Variants in DLGAP1 observed in about 807,000 individuals in gnomAD.
DLGAP1 encodes the protein disks large-associated protein 1.
In DLGAP1, 11 loss-of-function variants were observed where a neutral mutation model predicts 90.8. The ratio of observed to expected loss-of-function variants is 0.12; its 90% CI spans 0.08 to 0.20. The LOEUF (loss-of-function observed/expected upper bound fraction) is 0.20. Among genes scored for constraint, DLGAP1 ranks in the 10% least tolerant of loss-of-function variants. DLGAP1 has a pLI of 1.00. For missense variants in DLGAP1, 1,050 were observed against 1,333.8 expected (o/e 0.79, Z 3.31); for synonymous variants, 558 against 540.7 (o/e 1.03, Z -0.44).
chr18:3,606,065 G>C (rs768356011), intron 7 of DLGAP1, among the ~76,000 whole-genome samples: 1 of 152,188 alleles, frequency 6.6e-6, no homozygotes, highest in Non-Finnish European at 1.5e-5. Flanking sequence ...GAGATATTCA[G>C]ATTTCATTTT....
Position 4,182,380 on chromosome 18 carries a change from G to A in DLGAP1, c.-266-31093C>T, listed in dbSNP as rs1388533137. On this transcript the variant is annotated intron_variant, in intron 1 of 12. Transcript: ENST00000315677. ...AGAGAGTTTTTCACCCTTACGGGCC[G>A]GAAGATGGCACCAGAGGAAACTACG... Among the ~76,000 whole-genome samples, 5 of 152,152 alleles carry A rather than the reference G, an allele frequency of 3.3e-5. No individual in the cohort carries two copies. The South Asian group carries it at 6.2e-4, about 19-fold the overall frequency.
chr18:4,425,253 T>G (rs1341264326), intron 1 of DLGAP1, among the ~76,000 whole-genome samples: 1 of 152,210 alleles, frequency 6.6e-6, no homozygotes, highest in African/African-American at 2.4e-5. Context: ...TACATTATTT[T>G]GAAATCCAAC....
intron 1 of DLGAP1, among the ~76,000 whole-genome samples, chr18:4,200,153 C>G (rs560688747): frequency 6.6e-6 from 1 of 152,112 alleles, no homozygotes; most frequent in East Asian, 1.9e-4. Context: ...ATATTTCCTC[C>G]TCAATATTTC....
At chr18:3,978,480 T>C in intron 3 of DLGAP1, 1 of 261,956 alleles carries the variant, frequency 3.8e-6, no homozygotes, top group Non-Finnish European at 7.6e-6. Flanking sequence ...TACTGGGACA[T>C]GCAGACCATG....
At chr18:3,500,081 A>T (rs1372957749) in intron 12 of DLGAP1, among the ~76,000 whole-genome samples, 2 of 152,166 alleles carry the variant, frequency 1.3e-5, no homozygotes, top group East Asian at 3.9e-4. Flanking sequence ...TTCCAAGGTG[A>T]CTCTGACTAG....
intron 2 of DLGAP1, among the ~76,000 whole-genome samples, chr18:4,150,306 C>CT (rs1353929446): frequency 6.6e-6 from 1 of 152,198 alleles, no homozygotes; most frequent in Non-Finnish European, 1.5e-5. Context: ...TAAGACCCTT[C>CT]TTTTTTTCTC....
At chr18:3,696,235 T>G (rs1412167207) in intron 7 of DLGAP1, among the ~76,000 whole-genome samples, 1 of 152,208 alleles carries the variant, frequency 6.6e-6, no homozygotes, top group East Asian at 1.9e-4. Context: ...AATACTATGT[T>G]GAATAGGAGT....
In DLGAP1 at chr18:4,288,078, T is replaced by C. The variant is rs181384019; in HGVS notation, c.-266-136791A>G. On this transcript the variant is annotated intron_variant, in intron 1 of 12. Coordinates refer to ENST00000315677, the MANE Select transcript of DLGAP1 (RefSeq NM_004746.4). The stretch of plus-strand genomic sequence containing the variant: ...GGCAGCTTGACAAATTTTTTATTAT[T>C]ATACTTTAAGTTTTAGGGTACATGT... Among the ~76,000 whole-genome samples, 903 of 150,948 alleles carry C rather than the reference T, an allele frequency of 6.0e-3. 11 individuals are homozygous for C. Among genetic ancestry groups the C allele is most frequent in the African/African-American group, 0.021 (843 of 40,512 alleles).
chr18:4,002,485 G>C (rs1240488114), intron 3 of DLGAP1, among the ~76,000 whole-genome samples: 1 of 51,140 alleles, frequency 2.0e-5, no homozygotes, highest in Non-Finnish European at 5.3e-5. Context: ...AGACCTTTAT[G>C]ATGACCCACT....
chr18:4,163,171 T>C (rs2144522622), intron 1 of DLGAP1, among the ~76,000 whole-genome samples: 1 of 152,322 alleles, frequency 6.6e-6, no homozygotes, highest in African/African-American at 2.4e-5. Context: ...CATAAGCTTG[T>C]CTATGGGCTG....
chr18:3,580,789 G>GCCAC (rs1274879967), intron 8 of DLGAP1: 3 of 1,604,164 alleles, frequency 1.9e-6, no homozygotes, highest in African/African-American at 2.7e-5. Flanking sequence ...CATGGTCAGG[G>GCCAC]GTGGTGCCGA....
intron 3 of DLGAP1, among the ~76,000 whole-genome samples, chr18:3,906,607 T>C (rs1038768145): frequency 1.3e-5 from 2 of 152,176 alleles, no homozygotes; most frequent in Admixed American, 6.5e-5. Flanking sequence ...GAAATATGAG[T>C]GCAGAAAACA....
chr18:4,240,258 T>C (rs967051674), intron 1 of DLGAP1, among the ~76,000 whole-genome samples: 5 of 152,180 alleles, frequency 3.3e-5, no homozygotes, highest in Non-Finnish European at 2.9e-5. Context: ...GTTTTCCTTA[T>C]AGCCTTGATA....
chr18:3,972,862 A>G (rs540103066), intron 3 of DLGAP1, among the ~76,000 whole-genome samples: 1 of 152,158 alleles, frequency 6.6e-6, no homozygotes, highest in East Asian at 1.9e-4. Flanking sequence ...AAGCCAAAAG[A>G]CTTTCTTTTC....
chr18:3,568,162 G>C (rs145670483), intron 8 of DLGAP1, among the ~76,000 whole-genome samples: 3 of 152,240 alleles, frequency 2.0e-5, no homozygotes, highest in Admixed American at 2.0e-4. Context: ...GCCTCCCAAA[G>C]TGTTGAGATT....
chr18:4,126,991 T>A (rs2076242312), intron 2 of DLGAP1, among the ~76,000 whole-genome samples: 2 of 152,198 alleles, frequency 1.3e-5, no homozygotes, highest in Admixed American at 6.5e-5. Context: ...GCACTAACCC[T>A]TCAGTTCTGC....
chr18:3,817,694 T>C (rs74596848), intron 4 of DLGAP1, among the ~76,000 whole-genome samples: 1,905 of 152,288 alleles, frequency 0.013, 16 homozygotes, highest in South Asian at 0.023. Context: ...GAAGAAAGCA[T>C]ATAAAGTGAT....
intron 2 of DLGAP1, among the ~76,000 whole-genome samples, chr18:4,083,850 C>A (rs2075646261): frequency 6.6e-6 from 1 of 152,104 alleles, no homozygotes; most frequent in Non-Finnish European, 1.5e-5. Context: ...TTACAGGGTG[C>A]TCTTTCAGCT....
intron 1 of DLGAP1, among the ~76,000 whole-genome samples, chr18:4,451,419 A>G: frequency 6.6e-6 from 1 of 152,200 alleles, no homozygotes; most frequent in East Asian, 1.9e-4. Context: ...TACATCTTAG[A>G]AGCAAAAGAA....
Sources: gnomAD v4.1 joint callset for allele counts (sites outside exome capture counted in the v4.1 genomes callset) on GRCh38, gnomAD v4.1.1 for gene constraint, MANE v1.5 for transcripts, NCBI Gene and HGNC (gene_info 2026-07-23, HGNC 2026-07-21) for gene names.